AKAP8: variants seen among roughly 807,000 people sequenced by gnomAD.
The protein encoded by AKAP8 is A-kinase anchoring protein 8.
AKAP8 carries 24 observed loss-of-function variants against 67.5 expected under a neutral mutation model. That is an observed-to-expected ratio of 0.36 (90% CI 0.26 to 0.50). AKAP8 has a LOEUF of 0.50. Ranked by LOEUF, AKAP8 falls within the 20% of genes least tolerant of loss-of-function variation. The pLI, the probability that AKAP8 is intolerant of heterozygous loss-of-function variation, is 0.97. For synonymous variants in AKAP8, 400 were observed against 371.1 expected (o/e 1.08, Z -0.90); for missense variants, 971 against 955.9 (o/e 1.02, Z -0.21).
rs1599572600 is a variant in AKAP8 at position 15,374,613 on chromosome 19, G to C, written c.81C>G (p.Ala27=). 6.2e-7 allele frequency: 1 copy of C among 1,613,034 alleles called. No individual in the cohort carries two copies. The highest frequency in any genetic ancestry group is 1.1e-5 in the South Asian group (1 of 90,978). ...NTQGAYGTGV[A]SWQGYENYNY... ...CACAGAAGGGCTTACCTTGCCAGCTGGCCACACCAGTTCCATATGCACCTT... is the reference window on the plus strand; with the variant it reads ...CACAGAAGGGCTTACCTTGCCAGCTCGCCACACCAGTTCCATATGCACCTT... The change falls in exon 3 of 14, where the codon GCC becomes GCG. Residue 27 remains alanine, a synonymous_variant. Transcript: ENST00000269701.
chr19:15,355,376 CAA>C lies in AKAP8; in HGVS notation c.1624-8_1624-7del, dbSNP rs1156297396. ...CTGGTGAAAGGGTCCTCACCCTGGC[CAA>C]AGAGGAAACACCGGTCAGCGTGGTG... On this transcript the variant is annotated splice_region_variant and splice_polypyrimidine_tract_variant and intron_variant, in intron 13 of 13. Transcript: ENST00000269701. 1.2e-6 allele frequency: 2 copies of C among 1,608,390 alleles called. No homozygotes were observed. Among genetic ancestry groups the C allele is most frequent in the Non-Finnish European group, 1.7e-6 (2 of 1,177,300 alleles).
intron 7 of AKAP8, among the ~76,000 whole-genome samples, chr19:15,370,389 A>G (rs1967134815): frequency 1.3e-5 from 2 of 152,052 alleles, no homozygotes; most frequent in Non-Finnish European, 2.9e-5. Flanking sequence ...TTGCCTTCAG[A>G]GATTCTGTGA....
intron 9 of AKAP8, among the ~76,000 whole-genome samples, chr19:15,366,147 G>GAAAAAAAAAAAAAA (rs1967065567): frequency 4.5e-5 from 1 of 22,378 alleles, no homozygotes; most frequent in Non-Finnish European, 8.3e-5. Flanking sequence ...TGAAAAAAAA[G>GAAAAAAAAAAAAAA]CAAAAAGAAA....
chr19:15,372,417 G>A (rs568855812), intron 5 of AKAP8, 70 bp from the exon 6 acceptor site: 60 of 1,580,636 alleles, frequency 3.8e-5, no homozygotes, highest in Admixed American at 1.7e-5. Flanking sequence ...AAAAGAACAA[G>A]GAGGTTGTAG....
chr19:15,362,751 C>T (rs1334533179), intron 9 of AKAP8, among the ~76,000 whole-genome samples: 3 of 150,926 alleles, frequency 2.0e-5, no homozygotes, highest in African/African-American at 7.4e-5. Context: ...CCCAAAGTGC[C>T]GAGATTGCAG....
At position 15,369,513 on chromosome 19, in the gene AKAP8, C is replaced by A. The variant is rs1025943497; in HGVS notation, c.1072+633G>T. On this transcript the variant is annotated intron_variant, in intron 8 of 13. Coordinates refer to ENST00000269701, the MANE Select transcript of AKAP8 (RefSeq NM_005858.4). This position sits in a 1 kb window ranked among gnomAD's most constrained non-coding sequence, Gnocchi z 4.6. ...AGCTCCAGGCCGCGGCACCTCAGGC[C>A]GCTCTGCCATGAGGGATTTAAGCCT... Among the ~76,000 whole-genome samples, 1 of 152,228 alleles carries A rather than the reference C, an allele frequency of 6.6e-6. No individual in the cohort carries two copies. Among genetic ancestry groups the A allele is most frequent in the Non-Finnish European group, 1.5e-5 (1 of 68,038 alleles).
chr19:15,368,112 G>C, intron 9 of AKAP8, 123 bp downstream of exon 9: 1 of 1,267,634 alleles, frequency 7.9e-7, no homozygotes. Context: ...GCCTCCCACT[G>C]GTTTGGCCAG....
At chr19:15,363,353 TG>T (rs745575610) in intron 9 of AKAP8, among the ~76,000 whole-genome samples, 2,803 of 104,896 alleles carry the variant, frequency 0.027, 103 homozygotes, top group Non-Finnish European at 0.038. Flanking sequence ...GGGAGGGAGG[TG>T]GGGGGGGGTC....
intron 1 of AKAP8, chr19:15,379,431 ACT>A (rs1967329179): frequency 2.4e-6 from 1 of 409,282 alleles, no homozygotes; most frequent in Middle Eastern, 6.3e-4. Context: ...AACGGCCCAC[ACT>A]GTCTAAGACG....
In AKAP8 at chr19:15,373,318, C is replaced by T. The variant is rs117367631; in HGVS notation, c.394G>A (p.Glu132Lys). The change falls in exon 5 of 14, where the codon GAG (glutamate) becomes AAG (lysine). Residue 132 changes from glutamate (E) to lysine (K), a missense_variant. By Grantham distance (56) the Glu-to-Lys change is moderately conservative (BLOSUM62 1). Coordinates refer to ENST00000269701, the MANE Select transcript of AKAP8 (RefSeq NM_005858.4). ...RESSFRFQPFESYDSRPCLPE... is the reference protein window; with the variant it reads ...RESSFRFQPFKSYDSRPCLPE... ...AGGCAGGGCCTGGAGTCATAGGACT[C>T]GAACGGCTGGAAGCGGAAGGAGCTG... 549 of 1,610,868 alleles carry T rather than the reference C, an allele frequency of 3.4e-4. 1 individual carries two copies. Among genetic ancestry groups the T allele is most frequent in the Middle Eastern group, 2.6e-3 (16 of 6,044 alleles).
chr19:15,354,767 C>G lies in AKAP8; in HGVS notation c.*148G>C, dbSNP rs780670077. The G allele has an allele frequency of 2.3e-6, 2 of 886,394 alleles. No individual in the cohort carries two copies. Among genetic ancestry groups the G allele is most frequent in the Non-Finnish European group, 3.4e-6 (2 of 590,712 alleles). The allele number at this position is 886,394 out of a possible 1,614,324, so 54.9% of individuals were successfully genotyped here. A position where few individuals can be genotyped will look rare whatever the true frequency, so the allele number is the denominator to read the frequency against. On this transcript the variant is annotated 3_prime_UTR_variant, in exon 14 of 14. Coordinates refer to ENST00000269701, the MANE Select transcript of AKAP8 (RefSeq NM_005858.4). The stretch of plus-strand genomic sequence containing the variant: ...TGCATGAGACAAGCCGTGAGAGGCA[C>G]TGCTCAGGAGGAAACGCTGGGTCTC...
intron 7 of AKAP8, among the ~76,000 whole-genome samples, chr19:15,370,729 T>A (rs367798207): frequency 3.5e-5 from 5 of 141,976 alleles, no homozygotes; most frequent in African/African-American, 1.3e-4. Flanking sequence ...CTTCCTGGGT[T>A]GAAGCAAATC....
chr19:15,379,522 CG>C, intron 1 of AKAP8, 190 bp downstream of exon 1: 1 of 556,200 alleles, frequency 1.8e-6, no homozygotes, highest in Non-Finnish European at 2.9e-6. Context: ...CCAATCCGCA[CG>C]CAGAGCCCCG....
At chr19:15,375,631 A>AT (rs1227588775) in intron 2 of AKAP8, among the ~76,000 whole-genome samples, 34 of 118,294 alleles carry the variant, frequency 2.9e-4, no homozygotes, top group African/African-American at 5.1e-4. Flanking sequence ...CCAATGCAAG[A>AT]TTTTTTTTTT....
chr19:15,354,551 T>G lies in AKAP8; in HGVS notation c.*364A>C, dbSNP rs1440542855. 9.7e-6 allele frequency: 2 copies of G among 205,314 alleles called. No individual in the cohort carries two copies. Among genetic ancestry groups the G allele is most frequent in the East Asian group, 1.1e-4 (1 of 9,020 alleles). 12.7% of individuals were successfully genotyped at this position (205,314 alleles called of 1,614,324 possible). A position where few individuals can be genotyped will look rare whatever the true frequency, so the allele number is the denominator to read the frequency against. ...TAGTATTCAGCTGTTCCCAACCAAA[T>G]AAAAAAAAAAATTAAGGAAAAAAAT... On this transcript the variant is annotated 3_prime_UTR_variant, in exon 14 of 14. Coordinates refer to ENST00000269701, the MANE Select transcript of AKAP8 (RefSeq NM_005858.4).
chr19:15,373,749 T>C, intron 4 of AKAP8, 37 bp downstream of exon 4: 1 of 1,576,092 alleles, frequency 6.3e-7, no homozygotes, highest in African/African-American at 1.3e-5. Flanking sequence ...GGTGGGGATG[T>C]GTGGGGTCCC....
In AKAP8 at chr19:15,355,306, CCTCCTAAATTGTCAT is replaced by C; in HGVS notation, c.1673_1687del (p.Asp558_Gly562del). The C allele has an allele frequency of 6.2e-7, 1 of 1,613,794 alleles. No individual in the cohort carries two copies. Among genetic ancestry groups the C allele is most frequent in the Admixed American group, 1.7e-5 (1 of 60,004 alleles). ...CTCAGGTGTCTCTTTCTTATCCTCA[CCTCCTAAATTGTCAT>C]CTCCTTCCATTTCTGGATCAACAGT... On this transcript the variant is annotated inframe_deletion, in exon 14 of 14. Coordinates refer to ENST00000269701, the MANE Select transcript of AKAP8 (RefSeq NM_005858.4).
chr19:15,372,090 C>A lies in AKAP8; in HGVS notation c.992-92G>T, dbSNP rs909512722. On this transcript the variant is annotated intron_variant, in intron 6 of 13. Coordinates refer to ENST00000269701, the MANE Select transcript of AKAP8 (RefSeq NM_005858.4). ...AAGCTCGCCATCCAGGGTGAGTCTGCCCTGACCACAGTGGGGTTGAAACAT... is the reference window on the plus strand; with the variant it reads ...AAGCTCGCCATCCAGGGTGAGTCTGACCTGACCACAGTGGGGTTGAAACAT... The A allele has an allele frequency of 5.1e-5, 82 of 1,608,524 alleles. No homozygotes were observed. The African/African-American group carries it at 9.6e-4, about 19-fold the overall frequency.
Position 15,379,728 on chromosome 19 carries a change from C to A in AKAP8, c.4G>T (p.Asp2Tyr), listed in dbSNP as rs747362693. 6 of 1,612,006 alleles carry A rather than the reference C, an allele frequency of 3.7e-6. No individual in the cohort carries two copies. The highest frequency in any genetic ancestry group is 1.7e-4 in the Middle Eastern group (1 of 6,048). Residue 2 changes from aspartate (D) to tyrosine (Y), a missense_variant, in exon 1 of 14, where the codon GAC becomes TAC. Around this residue, in one of 3 missense-constraint regions of AKAP8, gnomAD observed 763 missense variants for 745.4 expected, o/e 1.02. Coordinates refer to ENST00000269701, the MANE Select transcript of AKAP8 (RefSeq NM_005858.4). ...CAACACAAACCTCCGTAGCCCTGGT[C>A]CATGTCTTCGACGCGGCCCACCAGC... Reference protein sequence around the residue: MDQGYGGYGAWS... With the variant: MYQGYGGYGAWS...
Sources: gnomAD v4.1 joint callset for allele counts (sites outside exome capture counted in the v4.1 genomes callset) on GRCh38, gnomAD v4.1.1 for gene constraint, gnomAD v4.1.1 regional missense constraint, Gnocchi (gnomAD v3.1) non-coding constraint, MANE v1.5 for transcripts, NCBI Gene and HGNC (gene_info 2026-07-23, HGNC 2026-07-21) for gene names.